Variants in ABCA13 observed in about 807,000 individuals in gnomAD.
The protein encoded by ABCA13 is ATP binding cassette subfamily A member 13, also known as ATP-binding cassette sub-family A member 13.
In ABCA13, 476 loss-of-function variants were observed where a neutral mutation model predicts 478.7. The ratio of observed to expected loss-of-function variants is 0.99; its 90% CI spans 0.92 to 1.07. The LOEUF (loss-of-function observed/expected upper bound fraction) is 1.07. Among genes scored for constraint, ABCA13 ranks in the 50% least tolerant of loss-of-function variants. The probability of loss-of-function intolerance (pLI) is 0.00; values close to 1 mark genes in which losing one functional copy is unlikely to be tolerated. For synonymous variants in ABCA13, 2,252 were observed against 2,158.9 expected (o/e 1.04, Z -1.20); for missense variants, 6,060 against 5,910.6 (o/e 1.03, Z -0.83).
chr7:48,540,092 A>G (rs533686152), intron 55 of ABCA13, among the ~76,000 whole-genome samples: 1 of 152,240 alleles, frequency 6.6e-6, no homozygotes, highest in African/African-American at 2.4e-5. Flanking sequence ...ATCCTGCTGT[A>G]TGGGATTGAA....
At chr7:48,293,175 T>C (rs1401787249) in intron 20 of ABCA13, among the ~76,000 whole-genome samples, 1 of 146,436 alleles carries the variant, frequency 6.8e-6, no homozygotes. Context: ...CGTTCATCAT[T>C]TCCTGAGAAG....
intron 11 of ABCA13, among the ~76,000 whole-genome samples, chr7:48,244,919 A>G (rs547547490): frequency 4.5e-4 from 68 of 152,294 alleles, no homozygotes; most frequent in Non-Finnish European, 5.6e-4. Flanking sequence ...TGAAGAGCGC[A>G]TCCTTCTGTT....
rs372543223 is a variant in ABCA13 at position 48,631,390 on chromosome 7, C to A, written c.14838-11898C>A. On this transcript the variant is annotated intron_variant, in intron 59 of 61. Coordinates refer to ENST00000435803, the MANE Select transcript of ABCA13 (RefSeq NM_152701.5). ...GCATGTGGCTAGCCTCTTATCCCAG[C>A]ACTATTTATTAAATAGGTAGTCCTT... Among the ~76,000 whole-genome samples the A allele has an allele frequency of 2.0e-5, 3 of 152,092 alleles. No individual in the cohort carries two copies. The South Asian group carries it at 6.2e-4, about 32-fold the overall frequency.
At position 48,295,784 on chromosome 7, in the gene ABCA13, A is replaced by G; in HGVS notation, c.9040A>G (p.Lys3014Glu). ...TCTTTCTAGCACCTTGGAGAGCTTC[A>G]AGAGCAGCTTGGAAAATGCCACTGG... ...KNLSSTLESF[K>E]SSLENATGQD... Residue 3014 changes from lysine (K) to glutamate (E), a missense_variant, in exon 21 of 62, where the codon AAG (lysine) becomes GAG (glutamate). Transcript: ENST00000435803. The G allele has an allele frequency of 6.2e-7, 1 of 1,614,044 alleles. No homozygotes were observed. The highest frequency in any genetic ancestry group is 8.5e-7 in the Non-Finnish European group (1 of 1,179,890).
chr7:48,240,203 G>A (rs1057490088), intron 9 of ABCA13, among the ~76,000 whole-genome samples: 2 of 152,180 alleles, frequency 1.3e-5, no homozygotes, highest in African/African-American at 2.4e-5. Context: ...CGTCTGCTTC[G>A]TGGCACTAAA....
rs908153160 is a variant in ABCA13, at chr7:48,221,299, G to A, written c.458G>A (p.Ser153Asn). The change falls in exon 5 of 62, where the codon AGT (serine) becomes AAT (asparagine). Residue 153 changes from serine (S) to asparagine (N), a missense_variant. Physicochemically the swap from Ser to Asn is conservative, Grantham distance 46. Around this residue, in one of 3 missense-constraint regions of ABCA13, gnomAD observed 4,423 missense variants for 4,309.1 expected, o/e 1.03. Transcript: ENST00000435803. ...SNTPDSSYGS[S>N]FFTMDLNKTE... ...ATTATAGATTCTTCTTATGGTTCCA[G>A]TTTTTTTACAGTAAGTATCTTAACA... 1.1e-5 allele frequency: 13 copies of A among 1,162,320 alleles called. 1 individual carries two copies. Among genetic ancestry groups the A allele is most frequent in the South Asian group, 7.1e-5 (5 of 70,818 alleles). The allele number at this position is 1,162,320 out of a possible 1,614,324, so 72.0% of individuals were successfully genotyped here.
At chr7:48,211,043 A>G (rs1049436222) in intron 3 of ABCA13, among the ~76,000 whole-genome samples, 10 of 152,112 alleles carry the variant, frequency 6.6e-5, no homozygotes, top group Admixed American at 3.9e-4. Flanking sequence ...CCCAATTTAT[A>G]TTATTATATT....
At chr7:48,347,932 A>T (rs907493669) in intron 29 of ABCA13, among the ~76,000 whole-genome samples, 1 of 152,196 alleles carries the variant, frequency 6.6e-6, no homozygotes, top group Non-Finnish European at 1.5e-5. Flanking sequence ...TGAGCAGATG[A>T]TTATCATTTC....
chr7:48,553,674 A>G (rs77703923), intron 55 of ABCA13, among the ~76,000 whole-genome samples: 10,261 of 151,916 alleles, frequency 0.068, 447 homozygotes, highest in African/African-American at 0.12. Flanking sequence ...TTTTTCCTGT[A>G]TATCTGTTTG....
chr7:48,435,902 C>T (rs1413260081), intron 42 of ABCA13, among the ~76,000 whole-genome samples: 2 of 150,172 alleles, frequency 1.3e-5, no homozygotes, highest in African/African-American at 4.9e-5. Flanking sequence ...AATATACTGT[C>T]AAATTTGGTA....
intron 1 of ABCA13, among the ~76,000 whole-genome samples, chr7:48,172,032 T>A (rs1776022563): frequency 6.6e-6 from 1 of 152,224 alleles, no homozygotes; most frequent in Non-Finnish European, 1.5e-5. Context: ...CCATCTTTAG[T>A]GTTAATTCAC....
chr7:48,339,697 T>C (rs2128954273), intron 29 of ABCA13, among the ~76,000 whole-genome samples: 1 of 152,310 alleles, frequency 6.6e-6, no homozygotes, highest in African/African-American at 2.4e-5. Flanking sequence ...GAATATGAGA[T>C]TCACATGGAA....
intron 57 of ABCA13, among the ~76,000 whole-genome samples, chr7:48,591,621 C>T (rs2131418898): frequency 6.6e-6 from 1 of 152,022 alleles, no homozygotes; most frequent in African/African-American, 2.4e-5. Context: ...GATAGCTCTC[C>T]ATTTATTTGT....
chr7:48,643,436 A>G, intron 60 of ABCA13, 43 bp downstream of exon 60: 1 of 1,454,050 alleles, frequency 6.9e-7, no homozygotes, highest in Non-Finnish European at 9.6e-7. Context: ...TTCAGCTAAA[A>G]AAAAATAATA....
At chr7:48,605,046 C>T (rs1038546299) in intron 58 of ABCA13, among the ~76,000 whole-genome samples, 2 of 152,118 alleles carry the variant, frequency 1.3e-5, no homozygotes, top group African/African-American at 4.8e-5. Context: ...ACTAGGATTG[C>T]AATCTCTGCT....
chr7:48,476,683 A>T (rs373589479), intron 45 of ABCA13, among the ~76,000 whole-genome samples: 1 of 152,114 alleles, frequency 6.6e-6, no homozygotes, highest in Non-Finnish European at 1.5e-5. Flanking sequence ...TCAGCCGGGA[A>T]TGGGTTCTGG....
Position 48,524,333 on chromosome 7 carries a change from A to G in ABCA13, c.14137A>G (p.Thr4713Ala). The stretch of plus-strand genomic sequence containing the variant: ...GGAAAAGAGAGTGTTTGAAGGAAGG[A>G]CCAATGGAGACATTCTTGTGTTATA... ...KEEKRVFEGR[T>A]NGDILVLYNL... Residue 4713 changes from threonine to alanine, a missense_variant, in exon 54 of 62, where the codon ACC (threonine) becomes GCC (alanine). Transcript: ENST00000435803. 1.2e-6 allele frequency: 2 copies of G among 1,613,328 alleles called. No individual in the cohort carries two copies. Among genetic ancestry groups the G allele is most frequent in the Non-Finnish European group, 1.7e-6 (2 of 1,179,552 alleles).
At chr7:48,236,942 G>A (rs1000896696) in intron 8 of ABCA13, among the ~76,000 whole-genome samples, 1 of 151,016 alleles carries the variant, frequency 6.6e-6, no homozygotes, top group Non-Finnish European at 1.5e-5. Flanking sequence ...TTTAATTAAT[G>A]CAGAGCTAGC....
Position 48,646,063 on chromosome 7 carries a change from A to G in ABCA13, c.*551A>G, listed in dbSNP as rs1795417470. On this transcript the variant is annotated 3_prime_UTR_variant, in exon 62 of 62. Coordinates refer to ENST00000435803, the MANE Select transcript of ABCA13 (RefSeq NM_152701.5). ...TGACATTATATGGTATGATATGAAA[A>G]AATCACCAATTTTTTACATATAAAA... The G allele has an allele frequency of 6.6e-6, 1 of 152,208 alleles. No individual in the cohort carries two copies. The highest frequency in any genetic ancestry group is 2.4e-5 in the African/African-American group (1 of 41,442). The allele number at this position is 152,208 out of a possible 1,614,324, so 9.4% of individuals were successfully genotyped here. A position where few individuals can be genotyped will look rare whatever the true frequency, so the allele number is the denominator to read the frequency against.
Sources: allele counts gnomAD v4.1 joint callset (sites outside exome capture counted in the v4.1 genomes callset), GRCh38; gene constraint gnomAD v4.1.1; regional missense constraint gnomAD v4.1.1; transcripts MANE v1.5; gene names NCBI Gene and HGNC (gene_info 2026-07-23, HGNC 2026-07-21).